LRRC8D: variants seen among roughly 807,000 people sequenced by gnomAD.
LRRC8D encodes volume-regulated anion channel subunit LRRC8D.
LRRC8D carries 20 observed loss-of-function variants against 55.8 expected under a neutral mutation model. The observed-to-expected ratio is 0.36, with a 90% CI of 0.25 to 0.52. The LOEUF (loss-of-function observed/expected upper bound fraction) is 0.52, where lower values mean the gene tolerates loss of function less well. LRRC8D is among the 20% of genes least tolerant of loss of function. The pLI is 0.93. For synonymous variants in LRRC8D, 352 were observed against 377.0 expected, an observed-to-expected ratio of 0.93 and a Z score of 0.77; for missense variants, 651 against 1,030.8, an observed-to-expected ratio of 0.63 and a Z score of 5.05.
intron 2 of LRRC8D, among the ~76,000 whole-genome samples, chr1:89,905,268 T>C (rs1446979426): frequency 2.0e-5 from 3 of 152,190 alleles, no homozygotes; most frequent in Non-Finnish European, 4.4e-5. Flanking sequence ...AATAGGGCTG[T>C]TTCTCTTTTG....
Position 89,821,246 on chromosome 1 carries a change from C to G in LRRC8D, c.-193C>G, listed in dbSNP as rs930739514. The G allele has an allele frequency of 6.6e-6, 1 of 152,576 alleles. No homozygotes were observed. The highest frequency in any genetic ancestry group is 1.5e-5 in the Non-Finnish European group (1 of 68,540). 9.5% of individuals were successfully genotyped at this position (152,576 alleles called of 1,614,324 possible). A position where few individuals can be genotyped will look rare whatever the true frequency, so the allele number is the denominator to read the frequency against. On this transcript the variant is annotated 5_prime_UTR_variant, in exon 1 of 3. Coordinates refer to ENST00000337338, the MANE Select transcript of LRRC8D (RefSeq NM_001134479.2). ...CCGCCGCGGGTGATGCCGCCACCTC[C>G]GGCCTCAGCATAAGCCGTGGCTTGG...
intron 2 of LRRC8D, among the ~76,000 whole-genome samples, chr1:89,848,916 T>C (rs1016685088): frequency 6.6e-6 from 1 of 152,126 alleles, no homozygotes; most frequent in African/African-American, 2.4e-5. Flanking sequence ...GCCAGGATGA[T>C]CTCGATCTCC....
At chr1:89,926,652 G>A (rs1663572443) in intron 2 of LRRC8D, among the ~76,000 whole-genome samples, 1 of 152,192 alleles carries the variant, frequency 6.6e-6, no homozygotes, top group Non-Finnish European at 1.5e-5. Flanking sequence ...AATTAGCTCA[G>A]AGAGGTCATT....
intron 1 of LRRC8D, among the ~76,000 whole-genome samples, chr1:89,842,391 T>C (rs756659632): frequency 1.3e-5 from 2 of 152,226 alleles, no homozygotes; most frequent in Non-Finnish European, 2.9e-5. Flanking sequence ...CTTGGGAATA[T>C]GACTTTTGCA....
chr1:89,913,503 A>AT (rs1663183399), intron 2 of LRRC8D, among the ~76,000 whole-genome samples: 2 of 152,250 alleles, frequency 1.3e-5, no homozygotes, highest in African/African-American at 4.8e-5. Flanking sequence ...AAAGTATGCC[A>AT]TGCAGAGTTA....
At chr1:89,907,183 C>CT (rs71584958) in intron 2 of LRRC8D, among the ~76,000 whole-genome samples, 2,939 of 69,764 alleles carry the variant, frequency 0.042, 691 homozygotes, top group East Asian at 0.24. Context: ...TCCACTGTGT[C>CT]TTTTTTTTTT....
At chr1:89,886,489 G>A (rs1461094715) in intron 2 of LRRC8D, among the ~76,000 whole-genome samples, 2 of 152,148 alleles carry the variant, frequency 1.3e-5, no homozygotes, top group Non-Finnish European at 2.9e-5. Flanking sequence ...CAATTAAGAG[G>A]CTGCTTCTCT....
chr1:89,912,016 A>C (rs898132582), intron 2 of LRRC8D, among the ~76,000 whole-genome samples: 2 of 151,758 alleles, frequency 1.3e-5, no homozygotes, highest in African/African-American at 4.8e-5. Flanking sequence ...GGATTATCTC[A>C]TCCTGCATAT....
intron 1 of LRRC8D, among the ~76,000 whole-genome samples, chr1:89,831,348 A>G (rs1660882168): frequency 1.3e-5 from 2 of 152,180 alleles, no homozygotes; most frequent in Admixed American, 1.3e-4. Flanking sequence ...TGACCTTTAA[A>G]TGTGGTGTAT....
chr1:89,862,198 A>G (rs933373141), intron 2 of LRRC8D, among the ~76,000 whole-genome samples: 11 of 152,176 alleles, frequency 7.2e-5, no homozygotes, highest in African/African-American at 2.7e-4. Flanking sequence ...CAGAAGAGTG[A>G]AGTGACTTTT....
In LRRC8D at chr1:89,934,902, C is replaced by T; in HGVS notation, c.1834C>T (p.His612Tyr). ...VPSNITDVAP[H>Y]LTKLVIHNDG... ...CTCCAACATTACAGATGTGGCTCCACATCTTACAAAGTTAGTCATTCATAA... is the reference window on the plus strand; with the variant it reads ...CTCCAACATTACAGATGTGGCTCCATATCTTACAAAGTTAGTCATTCATAA... The change falls in exon 3 of 3, where the codon CAT becomes TAT. Residue 612 changes from histidine to tyrosine, a missense_variant. Physicochemically the swap from His to Tyr is moderately conservative, Grantham distance 83. Around this residue, in one of 5 missense-constraint regions of LRRC8D, gnomAD observed 338 missense variants for 479.4 expected, o/e 0.71. Coordinates refer to ENST00000337338, the MANE Select transcript of LRRC8D (RefSeq NM_001134479.2). This position sits in a 1 kb window ranked among gnomAD's most constrained non-coding sequence, Gnocchi z 5.9. 1.9e-6 allele frequency: 3 copies of T among 1,614,144 alleles called. No homozygotes were observed. The highest frequency in any genetic ancestry group is 2.5e-6 in the Non-Finnish European group (3 of 1,180,016).
chr1:89,861,813 A>G (rs1170072263), intron 2 of LRRC8D, among the ~76,000 whole-genome samples: 1 of 152,214 alleles, frequency 6.6e-6, no homozygotes, highest in Non-Finnish European at 1.5e-5. Flanking sequence ...TGCTGGTAAC[A>G]TTTATTTTTT....
chr1:89,891,886 C>G (rs1662587657), intron 2 of LRRC8D, among the ~76,000 whole-genome samples: 1 of 152,174 alleles, frequency 6.6e-6, no homozygotes, highest in Admixed American at 6.5e-5. Flanking sequence ...TCATTTGCCC[C>G]TCTGTCATCA....
chr1:89,858,054 C>G (rs1451925120), intron 2 of LRRC8D, among the ~76,000 whole-genome samples: 1 of 152,096 alleles, frequency 6.6e-6, no homozygotes, highest in Non-Finnish European at 1.5e-5. Flanking sequence ...CATGGTGAAA[C>G]CCCGTCTCTA....
At chr1:89,830,139 C>T (rs1434962924) in intron 1 of LRRC8D, among the ~76,000 whole-genome samples, 1 of 152,022 alleles carries the variant, frequency 6.6e-6, no homozygotes, top group Non-Finnish European at 1.5e-5. Context: ...CTGTTTCATT[C>T]GTGCCTTTAT....
Position 89,933,082 on chromosome 1 carries a change from C to T in LRRC8D, c.14C>T (p.Ala5Val), listed in dbSNP as rs758640767. 4.4e-6 allele frequency: 7 copies of T among 1,605,932 alleles called. No individual in the cohort carries two copies. The highest frequency in any genetic ancestry group is 6.0e-6 in the Non-Finnish European group (7 of 1,173,114). Residue 5 changes from alanine to valine, a missense_variant, in exon 3 of 3, where the codon GCG becomes GTG. Ala to Val is a moderately conservative substitution (Grantham distance 64). This residue lies in a region of LRRC8D where 15 missense variants were observed against 22.0 expected (regional missense o/e 0.68). Transcript: ENST00000337338. This position sits in a 1 kb window ranked among gnomAD's most constrained non-coding sequence, Gnocchi z 7.0. The stretch of plus-strand genomic sequence containing the variant: ...TGTTTTCTAGGAATGTTTACCCTTG[C>T]GGAAGTTGCATCACTTAATGACATT... MFTLAEVASLNDIQP... is the reference protein window; with the variant it reads MFTLVEVASLNDIQP...
At chr1:89,886,085 G>T (rs1662411773) in intron 2 of LRRC8D, among the ~76,000 whole-genome samples, 1 of 152,208 alleles carries the variant, frequency 6.6e-6, no homozygotes, top group Admixed American at 6.5e-5. Context: ...AGTAATGGGA[G>T]AATCTGTTCC....
intron 2 of LRRC8D, among the ~76,000 whole-genome samples, chr1:89,915,927 C>A (rs1663255036): frequency 6.6e-6 from 1 of 152,056 alleles, no homozygotes; most frequent in African/African-American, 2.4e-5. Flanking sequence ...AAATAAGTAA[C>A]AACATACTGA....
intron 2 of LRRC8D, among the ~76,000 whole-genome samples, chr1:89,926,042 G>C (rs1663555756): frequency 6.6e-6 from 1 of 152,166 alleles, no homozygotes; most frequent in Non-Finnish European, 1.5e-5. Context: ...CTATGCCTTT[G>C]CCCTTGCTAT....
Sources: gnomAD v4.1 joint callset for allele counts (sites outside exome capture counted in the v4.1 genomes callset) on GRCh38, gnomAD v4.1.1 for gene constraint, gnomAD v4.1.1 regional missense constraint, Gnocchi (gnomAD v3.1) non-coding constraint, MANE v1.5 for transcripts, NCBI Gene and HGNC (gene_info 2026-07-23, HGNC 2026-07-21) for gene names.